Variants in DNAH12 observed in about 807,000 individuals in gnomAD.
DNAH12 encodes dynein axonemal heavy chain 12, also known as axonemal beta dynein heavy chain 12.
A neutral mutation model predicts 371.5 loss-of-function variants in DNAH12; 285 were observed. That is an observed-to-expected ratio of 0.77 (90% CI 0.70 to 0.85). The LOEUF is 0.85. Ranked by LOEUF, DNAH12 falls within the 40% of genes least tolerant of loss-of-function variation. The pLI, the probability that DNAH12 is intolerant of heterozygous loss-of-function variation, is 0.00. For missense variants in DNAH12, 3,611 were observed against 3,689.4 expected (o/e 0.98, Z 0.55); for synonymous variants, 1,200 against 1,213.0 (o/e 0.99, Z 0.22).
At chr3:57,331,554 C>T (rs1306144705) in intron 62 of DNAH12, among the ~76,000 whole-genome samples, 2 of 152,014 alleles carry the variant, frequency 1.3e-5, no homozygotes, top group African/African-American at 4.8e-5. Context: ...TTTATGTAGG[C>T]CTCTGTTTAA....
intron 66 of DNAH12, among the ~76,000 whole-genome samples, chr3:57,312,829 T>C (rs145853895): frequency 1.3e-5 from 2 of 152,372 alleles, no homozygotes; most frequent in Admixed American, 6.5e-5. Flanking sequence ...GATTTTCAAA[T>C]GGACATATTT....
At chr3:57,393,625 C>CAAAAAAAAA (rs1180952196) in intron 44 of DNAH12, among the ~76,000 whole-genome samples, 40 of 64,260 alleles carry the variant, frequency 6.2e-4, no homozygotes, top group Admixed American at 1.1e-3. Context: ...GACTCTGTCT[C>CAAAAAAAAA]AAAAAAAAAA....
intron 62 of DNAH12, among the ~76,000 whole-genome samples, chr3:57,325,997 G>A (rs1169561235): frequency 6.6e-6 from 1 of 152,106 alleles, no homozygotes; most frequent in Non-Finnish European, 1.5e-5. Flanking sequence ...AGCGAGAAGG[G>A]AAGTTTAGAG....
At chr3:57,543,570 C>T (rs2069396821) in intron 1 of DNAH12, among the ~76,000 whole-genome samples, 1 of 150,644 alleles carries the variant, frequency 6.6e-6, no homozygotes, top group Non-Finnish European at 1.5e-5. Flanking sequence ...GATTTCCCGC[C>T]TCGGTCCCCC....
chr3:57,516,053 C>CTTTGTTT (rs2068179701), intron 4 of DNAH12, among the ~76,000 whole-genome samples: 2 of 71,962 alleles, frequency 2.8e-5, no homozygotes, highest in African/African-American at 5.4e-5. Context: ...ACTGCTTAGT[C>CTTTGTTT]TTTTTTTTTT....
Position 57,417,501 on chromosome 3 carries a change from GTTC to G in DNAH12, c.5714+1863_5714+1865del, listed in dbSNP as rs199782563. On this transcript the variant is annotated intron_variant, in intron 37 of 73. Transcript: ENST00000495027. ...ATTAAAATAGTATTAATAAATTTCTGTTCTTAACTTGGGGTCCATGAGCCAACT... is the reference window on the plus strand; with the variant it reads ...ATTAAAATAGTATTAATAAATTTCTGTTAACTTGGGGTCCATGAGCCAACT... Among the ~76,000 whole-genome samples the G allele has an allele frequency of 4.3e-3, 657 of 152,218 alleles. 6 individuals are homozygous for G. Among genetic ancestry groups the G allele is most frequent in the African/African-American group, 0.015 (632 of 41,536 alleles).
intron 60 of DNAH12, among the ~76,000 whole-genome samples, chr3:57,347,017 G>A (rs1205362630): frequency 6.6e-6 from 1 of 152,128 alleles, no homozygotes; most frequent in Non-Finnish European, 1.5e-5. Context: ...TGGGTTCACT[G>A]AATAATTCTA....
chr3:57,325,272 A>C (rs1378741345), intron 62 of DNAH12, among the ~76,000 whole-genome samples: 1 of 152,224 alleles, frequency 6.6e-6, no homozygotes, highest in Non-Finnish European at 1.5e-5. Context: ...TGCCTCCTCA[A>C]GTGGGTCCCT....
intron 8 of DNAH12, among the ~76,000 whole-genome samples, chr3:57,505,454 G>GTTTTT (rs1473298130): frequency 6.6e-6 from 1 of 151,860 alleles, no homozygotes; most frequent in Non-Finnish European, 1.5e-5. Flanking sequence ...TTTTGTTTTT[G>GTTTTT]TTTTGAGACA....
At chr3:57,396,625 T>C (rs1005961879) in intron 43 of DNAH12, among the ~76,000 whole-genome samples, 1 of 152,190 alleles carries the variant, frequency 6.6e-6, no homozygotes, top group Non-Finnish European at 1.5e-5. Flanking sequence ...GTGATTCTCC[T>C]GCCTCAGCCT....
At position 57,334,776 on chromosome 3, in the gene DNAH12, A is replaced by C; in HGVS notation, c.9833+6T>G. On this transcript the variant is annotated splice_donor_region_variant and intron_variant, in intron 61 of 73. Transcript: ENST00000495027. ...CAATGATAAATCATCGAATTTAAACAATCACCTGAGTCCTCTGAAGGCAGG... is the reference window on the plus strand; with the variant it reads ...CAATGATAAATCATCGAATTTAAACCATCACCTGAGTCCTCTGAAGGCAGG... The C allele has an allele frequency of 2.0e-6, 3 of 1,538,328 alleles. No homozygotes were observed. The highest frequency in any genetic ancestry group is 4.9e-5 in the East Asian group (2 of 40,866).
rs764531848 is a variant in DNAH12, at chr3:57,294,365, C to T, written c.11693-394G>A. Among the ~76,000 whole-genome samples, 11 of 152,046 alleles carry T rather than the reference C, an allele frequency of 7.2e-5. No individual in the cohort carries two copies. In the East Asian group the frequency reaches 7.7e-4, roughly 11 times the overall value. ...CTAATTTTTGTATTTTTAGTAGAGA[C>T]GGGGTTTCACTATGTTGGCCAGGCT... On this transcript the variant is annotated intron_variant, in intron 73 of 73. Transcript: ENST00000495027.
chr3:57,505,821 C>T (rs781239776), intron 8 of DNAH12, among the ~76,000 whole-genome samples: 3 of 151,994 alleles, frequency 2.0e-5, no homozygotes, highest in Admixed American at 6.6e-5. Context: ...ACAGCAGGCT[C>T]GAGCTCCTGG....
chr3:57,342,083 A>T (rs2062415712), intron 60 of DNAH12, among the ~76,000 whole-genome samples: 1 of 151,956 alleles, frequency 6.6e-6, no homozygotes, highest in Admixed American at 6.6e-5. Context: ...GCAAAACTAG[A>T]CTCTCTCCTC....
intron 13 of DNAH12, among the ~76,000 whole-genome samples, chr3:57,473,332 C>T (rs2066422296): frequency 6.6e-6 from 1 of 152,008 alleles, no homozygotes; most frequent in Non-Finnish European, 1.5e-5. Flanking sequence ...ACTAAAAATA[C>T]AAAAATTAGC....
rs979754741 is a variant in DNAH12 at position 57,433,447 on chromosome 3, G to A, written c.4900C>T (p.Arg1634Trp). The A allele has an allele frequency of 5.2e-6, 8 of 1,551,176 alleles. No homozygotes were observed. The highest frequency in any genetic ancestry group is 1.2e-5 in the South Asian group (1 of 84,038). Residue 1634 changes from arginine (R) to tryptophan (W), a missense_variant, in exon 32 of 74, where the codon CGG (arginine) becomes TGG (tryptophan). Coordinates refer to ENST00000495027, the MANE Select transcript of DNAH12 (RefSeq NM_001366028.2). ...GGACCATCAAATACAACCCATTTCC[G>A]GTCAGGTGTTTCTGATAAGGCAAAT... ...REFALSETPD[R>W]KWVVFDGPID...
chr3:57,410,354 T>C (rs1193517136), intron 39 of DNAH12, among the ~76,000 whole-genome samples: 1 of 152,158 alleles, frequency 6.6e-6, no homozygotes, highest in Non-Finnish European at 1.5e-5. Context: ...TTGATGTTAC[T>C]ATTGTAATTG....
chr3:57,472,217 A>G (rs1287713345), intron 14 of DNAH12, among the ~76,000 whole-genome samples: 1 of 149,950 alleles, frequency 6.7e-6, no homozygotes, highest in Non-Finnish European at 1.5e-5. Context: ...TCTCATCTAT[A>G]AAATGGAAGA....
chr3:57,303,695 G>T (rs533537167), intron 69 of DNAH12, among the ~76,000 whole-genome samples: 1 of 152,232 alleles, frequency 6.6e-6, no homozygotes, highest in South Asian at 2.1e-4. Context: ...GAGTCACTGA[G>T]CCTGGCCAGA....
Sources: allele counts gnomAD v4.1 joint callset (sites outside exome capture counted in the v4.1 genomes callset), GRCh38; gene constraint gnomAD v4.1.1; transcripts MANE v1.5; gene names NCBI Gene and HGNC (gene_info 2026-07-23, HGNC 2026-07-21).